ADAP1: variants seen among roughly 807,000 people sequenced by gnomAD.
ADAP1 encodes arf-GAP with dual PH domain-containing protein 1.
In ADAP1, 31 loss-of-function variants were observed where a neutral mutation model predicts 54.9. The observed-to-expected ratio is 0.56, with a 90% CI of 0.42 to 0.76. ADAP1 has a LOEUF of 0.76. ADAP1 is among the 30% of genes least tolerant of loss of function. The pLI is 0.00. For synonymous variants in ADAP1, 313 were observed against 202.6 expected, an observed-to-expected ratio of 1.55 and a Z score of -4.63; for missense variants, 535 against 512.4, an observed-to-expected ratio of 1.04 and a Z score of -0.42.
At position 945,676 on chromosome 7, in the gene ADAP1, C is replaced by T. The variant is rs1193408013; in HGVS notation, c.82+8720G>A. On this transcript the variant is annotated intron_variant, in intron 1 of 10. Transcript: ENST00000265846. This position sits in a 1 kb window ranked among gnomAD's most constrained non-coding sequence, Gnocchi z 4.2. ...CCACAAACATCCAGGCTGCCAGCAC[C>T]GTCTCCAGGAGCTGCCTCCTCCTCG... 5.3e-6 allele frequency: 5 copies of T among 941,218 alleles called. No homozygotes were observed. The highest frequency in any genetic ancestry group is 1.2e-4 in the East Asian group (1 of 8,590). 58.3% of individuals were successfully genotyped at this position (941,218 alleles called of 1,614,324 possible). A position where few individuals can be genotyped will look rare whatever the true frequency, so the allele number is the denominator to read the frequency against.
At chr7:913,722 G>A (rs1845819235) in intron 4 of ADAP1, among the ~76,000 whole-genome samples, 3 of 152,022 alleles carry the variant, frequency 2.0e-5, no homozygotes, top group Admixed American at 2.0e-4. Flanking sequence ...GTCACCTGAG[G>A]TCAGGAGTTC....
chr7:927,495 TC>T (rs1425455546), intron 2 of ADAP1: 1 of 470,980 alleles, frequency 2.1e-6, no homozygotes, highest in Non-Finnish European at 4.4e-6. Context: ...TGAACACCAC[TC>T]GCCTGAGGCC....
intron 4 of ADAP1, among the ~76,000 whole-genome samples, chr7:907,521 G>A (rs1370885736): frequency 6.6e-6 from 1 of 152,130 alleles, no homozygotes; most frequent in East Asian, 1.9e-4. Context: ...TCACGTCACT[G>A]AGCTGCGGTC....
intron 7 of ADAP1, 95 bp from the exon 8 acceptor site, chr7:900,259 C>A (rs1191015691): frequency 4.0e-6 from 6 of 1,487,204 alleles, no homozygotes; most frequent in Middle Eastern, 1.7e-4. Context: ...TCACCCCGGG[C>A]CACCAGGTCA....
At chr7:942,361 AGAGAGAGGAGGAGGAGGAAGG>A (rs1562935923) in intron 1 of ADAP1, among the ~76,000 whole-genome samples, 2 of 125,030 alleles carry the variant, frequency 1.6e-5, no homozygotes, top group Non-Finnish European at 1.7e-5. Context: ...AGGAAGAGGA[AGAGAGAGGAGGAGGAGGAAGG>A]GAGAGAGGAG....
At chr7:917,744 T>C (rs1414982224) in intron 4 of ADAP1, among the ~76,000 whole-genome samples, 1 of 151,966 alleles carries the variant, frequency 6.6e-6, no homozygotes, top group East Asian at 1.9e-4. Flanking sequence ...CTTCTTTTAT[T>C]CTTGGGGTGA....
chr7:947,625 A>T (rs1847177264), intron 1 of ADAP1, among the ~76,000 whole-genome samples: 1 of 152,020 alleles, frequency 6.6e-6, no homozygotes, highest in Admixed American at 6.6e-5. Flanking sequence ...GTTGACCAGC[A>T]AATATTTCAA....
chr7:953,399 A>C (rs768697119), intron 1 of ADAP1, among the ~76,000 whole-genome samples: 6 of 152,128 alleles, frequency 3.9e-5, no homozygotes. Context: ...TCCCAGAGGG[A>C]ATCAGGGACA....
intron 4 of ADAP1, among the ~76,000 whole-genome samples, chr7:913,453 A>G (rs1049644471): frequency 2.0e-5 from 3 of 151,852 alleles, no homozygotes; most frequent in Non-Finnish European, 4.4e-5. Flanking sequence ...CGCCTGCCTC[A>G]GCCTCCCAAA....
chr7:954,334 G>A (rs1847336866), intron 1 of ADAP1, 62 bp downstream of exon 1: 1 of 633,398 alleles, frequency 1.6e-6, no homozygotes, highest in Non-Finnish European at 2.0e-6. Flanking sequence ...CCCAGGACCC[G>A]CCCGGCACCC....
At position 905,135 on chromosome 7, in the gene ADAP1, G is replaced by T. The variant is rs1180806767; in HGVS notation, c.426C>A (p.Asp142Glu). 1.9e-6 allele frequency: 3 copies of T among 1,612,282 alleles called. No individual in the cohort carries two copies. Among genetic ancestry groups the T allele is most frequent in the Non-Finnish European group, 1.7e-6 (2 of 1,179,912 alleles). The stretch of plus-strand genomic sequence containing the variant: ...ACTTCCGGCTCAAAAACTGCCCGTT[G>T]TCCCGGCCACGCTTCCAGAGAAAAC... ...REGFLWKRGRDNGQFLSRKFV... is the reference protein window; with the variant it reads ...REGFLWKRGRENGQFLSRKFV... The change falls in exon 5 of 11, where the codon GAC becomes GAA. Residue 142 changes from aspartate (D) to glutamate (E), a missense_variant. Asp to Glu is a conservative substitution (Grantham distance 45). Transcript: ENST00000265846.
intron 4 of ADAP1, among the ~76,000 whole-genome samples, chr7:914,069 C>T (rs1845833490): frequency 1.3e-5 from 2 of 152,252 alleles, no homozygotes; most frequent in East Asian, 3.8e-4. Context: ...ACATCTGGGG[C>T]CCCCGCCCTG....
intron 3 of ADAP1, among the ~76,000 whole-genome samples, chr7:923,799 A>G (rs1846272970): frequency 6.6e-6 from 1 of 152,184 alleles, no homozygotes; most frequent in Non-Finnish European, 1.5e-5. Context: ...ACATCTGTGC[A>G]GCAGAGCTTT....
intron 3 of ADAP1, among the ~76,000 whole-genome samples, chr7:922,259 C>T (rs1175307330): frequency 6.6e-6 from 1 of 152,144 alleles, no homozygotes; most frequent in African/African-American, 2.4e-5. Flanking sequence ...CCAGGAAGTG[C>T]CCCAAGTTCC....
intron 4 of ADAP1, among the ~76,000 whole-genome samples, chr7:908,850 A>T (rs1208106431): frequency 6.6e-6 from 1 of 152,220 alleles, no homozygotes; most frequent in Non-Finnish European, 1.5e-5. Flanking sequence ...GCAGACGACA[A>T]GTTTGGGCCA....
rs567853642 is a variant in ADAP1 at position 911,551 on chromosome 7, C to T, written c.389-6379G>A. ...TGCCAGGAAAGGGGCGGGGATCACA[C>T]GGAGGGCCAGGAAGGGGGCGGGGGT... On this transcript the variant is annotated intron_variant, in intron 4 of 10. Transcript: ENST00000265846. Among the ~76,000 whole-genome samples, 13 of 146,020 alleles carry T rather than the reference C, an allele frequency of 8.9e-5. 1 individual carries two copies. The highest frequency in any genetic ancestry group is 1.5e-4 in the Non-Finnish European group (10 of 67,494).
rs1319573403 is a variant in ADAP1 at position 898,660 on chromosome 7, G to C, written c.*261C>G. 2 of 551,758 alleles carry C rather than the reference G, an allele frequency of 3.6e-6. No homozygotes were observed. Among genetic ancestry groups the C allele is most frequent in the Admixed American group, 3.1e-5 (1 of 32,102 alleles). The allele number at this position is 551,758 out of a possible 1,614,324, so 34.2% of individuals were successfully genotyped here. A position where few individuals can be genotyped will look rare whatever the true frequency, so the allele number is the denominator to read the frequency against. On this transcript the variant is annotated 3_prime_UTR_variant, in exon 11 of 11. Transcript: ENST00000265846. ...GGCCCTGGAGGAAAGGGGGCCCCGG[G>C]TCAGGGAGGGGCAGGTTGGCTGGGT...
chr7:909,209 GCC>G (rs1845612724), intron 4 of ADAP1, among the ~76,000 whole-genome samples: 1 of 67,348 alleles, frequency 1.5e-5, no homozygotes. Context: ...GACAGCAGGC[GCC>G]AGCGGGAACC....
upstream of ADAP1, chr7:955,237 C>G (rs1235145184): frequency 2.0e-6 from 3 of 1,511,386 alleles, no homozygotes; most frequent in African/African-American, 2.8e-5. Context: ...TGAGGGGCCC[C>G]GCCGGGACTT....
Sources: allele counts gnomAD v4.1 joint callset (sites outside exome capture counted in the v4.1 genomes callset), GRCh38; gene constraint gnomAD v4.1.1; non-coding constraint Gnocchi (gnomAD v3.1); transcripts MANE v1.5; gene names NCBI Gene and HGNC (gene_info 2026-07-23, HGNC 2026-07-21).